DMD: variants seen among roughly 807,000 people sequenced by gnomAD.
DMD encodes the protein dystrophin, also known as mutant dystrophin.
A neutral mutation model predicts 330.1 loss-of-function variants in DMD; 63 were observed. That is an observed-to-expected ratio of 0.19 (90% CI 0.16 to 0.24). The LOEUF (loss-of-function observed/expected upper bound fraction) is 0.24, where lower values mean the gene tolerates loss of function less well. Ranked by LOEUF, DMD falls within the 10% of genes least tolerant of loss-of-function variation. DMD has a pLI of 1.00. For missense variants in DMD, 3,344 were observed against 2,684.1 expected (o/e 1.25, Z -5.43); for synonymous variants, 1,223 against 959.8 (o/e 1.27, Z -5.07).
At chrX:32,531,056 T>G (rs1156345607) in intron 17 of DMD, among the ~76,000 whole-genome samples, 1 of 111,967 alleles carries the variant, frequency 8.9e-6, no homozygotes, top group Non-Finnish European at 1.9e-5. Context: ...TTTCGTTTTC[T>G]TATCTGCATA....
intron 31 of DMD, 103 bp downstream of exon 31, chrX:32,389,968 A>C (rs1319702923): frequency 1.5e-6 from 1 of 666,692 alleles, no homozygotes; most frequent in African/African-American, 2.2e-5. Flanking sequence ...GTTTTCAAAT[A>C]ATGTCCTCAA....
At chrX:31,193,367 A>ACC (rs1302455479) in intron 67 of DMD, among the ~76,000 whole-genome samples, 1 of 112,357 alleles carries the variant, frequency 8.9e-6, no homozygotes, top group East Asian at 2.8e-4. Context: ...GCAGTTCAGT[A>ACC]AAGAGAGATA....
At chrX:31,234,828 T>C (rs2047563262) in intron 63 of DMD, among the ~76,000 whole-genome samples, 1 of 111,477 alleles carries the variant, frequency 9.0e-6, no homozygotes, top group African/African-American at 3.3e-5. Flanking sequence ...AGTATAGAAC[T>C]GGGCTCAACT....
In DMD at chrX:31,339,060, A is replaced by G. The variant is rs774735653; in HGVS notation, c.9163+9496T>C. 5.4e-5 allele frequency among the ~76,000 whole-genome samples: 6 copies of G among 110,639 alleles called. No homozygotes were observed. The South Asian group carries it at 2.3e-3, about 43-fold the overall frequency. On this transcript the variant is annotated intron_variant, in intron 61 of 78. Transcript: ENST00000357033. ...GCTACCAAAGGTAGGCTTAATAACTAGCTCACAATTCCTGTATATTTTACA... is the reference window on the plus strand; with the variant it reads ...GCTACCAAAGGTAGGCTTAATAACTGGCTCACAATTCCTGTATATTTTACA...
chrX:32,217,783 T>A (rs1295657143), intron 43 of DMD, among the ~76,000 whole-genome samples: 1 of 111,549 alleles, frequency 9.0e-6, no homozygotes, highest in Non-Finnish European at 1.9e-5. Flanking sequence ...CAAATAAAAC[T>A]TTAAAAATAT....
In DMD at chrX:32,196,842, G is replaced by T. The variant is rs182143348; in HGVS notation, c.6438+20074C>A. On this transcript the variant is annotated intron_variant, in intron 44 of 78. Transcript: ENST00000357033. The stretch of plus-strand genomic sequence containing the variant: ...CTACTAAAAATACAAAAAAATTAGC[G>T]GGGCGTGGTAGCCAGCGCCTGTAGT... Among the ~76,000 whole-genome samples the T allele has an allele frequency of 4.9e-4, 53 of 108,772 alleles. No homozygotes were observed. In the East Asian group the frequency reaches 0.015, roughly 31 times the overall value. The allele number at this position is 108,772 out of a possible 115,157, so 94.5% of individuals were successfully genotyped here.
At position 32,373,285 on chromosome X, in the gene DMD, T is replaced by A. The variant is rs142745756; in HGVS notation, c.4845+7225A>T. ...CAACGCCACTGGCCTATCAAAAGGA[T>A]CCCAGAAATGTCAAACCTCTGATAC... On this transcript the variant is annotated intron_variant, in intron 34 of 78. Coordinates refer to ENST00000357033, the MANE Select transcript of DMD (RefSeq NM_004006.3). 4.1e-3 allele frequency among the ~76,000 whole-genome samples: 446 copies of A among 109,091 alleles called. 3 individuals carry two copies. The highest frequency in any genetic ancestry group is 0.014 in the African/African-American group (425 of 30,215). The allele number at this position is 109,091 out of a possible 115,157, so 94.7% of individuals were successfully genotyped here. A position where few individuals can be genotyped will look rare whatever the true frequency, so the allele number is the denominator to read the frequency against.
Position 32,345,985 on chromosome X carries a change from C to A in DMD, c.5544G>T (p.Lys1848Asn), listed in dbSNP as rs369623931. 2.5e-6 allele frequency: 3 copies of A among 1,207,055 alleles called. No individual in the cohort carries two copies. In the African/African-American group the frequency reaches 5.3e-5, roughly 21 times the overall value. Residue 1848 changes from lysine to asparagine, a missense_variant, in exon 39 of 79, where the codon AAG becomes AAT. Lys to Asn is a moderately conservative substitution (Grantham distance 94). Coordinates refer to ENST00000357033, the MANE Select transcript of DMD (RefSeq NM_004006.3). ...TTGTCTGTAACAGCTGCTGTTTTAT[C>A]TTTATTTCCTCTCGCTTTCTCTCAT... ...ITDERKREEI[K>N]IKQQLLQTKH...
chrX:32,812,291 CA>C (rs765607433), intron 6 of DMD, among the ~76,000 whole-genome samples: 7 of 109,881 alleles, frequency 6.4e-5, no homozygotes, highest in African/African-American at 2.0e-4. Context: ...ACGAAAAAAA[CA>C]AAAAAAAAGT....
chrX:32,818,772 G>T (rs1226945959), intron 5 of DMD, among the ~76,000 whole-genome samples: 1 of 110,121 alleles, frequency 9.1e-6, no homozygotes, highest in Non-Finnish European at 1.9e-5. Flanking sequence ...TACCACCTGA[G>T]TTGCAGAGTC....
chrX:31,228,822 T>G (rs1569486464), intron 63 of DMD, among the ~76,000 whole-genome samples: 1 of 111,747 alleles, frequency 8.9e-6, no homozygotes, highest in East Asian at 2.8e-4. Flanking sequence ...GAAAGCGCAC[T>G]TCAGAAGGGT....
chrX:32,604,784 G>T (rs954558118), intron 12 of DMD, among the ~76,000 whole-genome samples: 2 of 98,161 alleles, frequency 2.0e-5, no homozygotes, highest in African/African-American at 7.6e-5. Flanking sequence ...ACCAAATCAA[G>T]AACTCAATCT....
chrX:32,644,391 G>T, intron 10 of DMD, 78 bp from the exon 11 acceptor site: 1 of 1,053,413 alleles, frequency 9.5e-7, no homozygotes, highest in Non-Finnish European at 1.3e-6. Flanking sequence ...TTTGTTTGCA[G>T]TTTTAAACTT....
intron 20 of DMD, among the ~76,000 whole-genome samples, chrX:32,489,681 C>A (rs1355479691): frequency 9.0e-6 from 1 of 111,609 alleles, no homozygotes; most frequent in Admixed American, 9.5e-5. Context: ...TTCTTAAACA[C>A]ATTAGAGACA....
At chrX:31,347,695 G>C (rs996306765) in intron 61 of DMD, among the ~76,000 whole-genome samples, 1 of 112,535 alleles carries the variant, frequency 8.9e-6, no homozygotes, top group South Asian at 3.7e-4. Context: ...AAGCATGCAA[G>C]TGCAGGTACC....
Position 31,679,506 on chromosome X carries a change from C to T in DMD, c.7741G>A (p.Asp2581Asn), listed in dbSNP as rs763179470. The T allele has an allele frequency of 5.0e-6, 6 of 1,209,717 alleles. No individual in the cohort carries two copies. The South Asian group carries it at 1.1e-4, about 21-fold the overall frequency. Residue 2581 changes from aspartate to asparagine, a missense_variant, in exon 53 of 79, where the codon GAT becomes AAT. Physicochemically the swap from Asp to Asn is conservative, Grantham distance 23. Coordinates refer to ENST00000357033, the MANE Select transcript of DMD (RefSeq NM_004006.3). ...TTAGCTTCCAGCCATTGTGTTGAAT[C>T]CTTTAACATTTCATTCAACTGTTGC... is the stretch of plus-strand genomic sequence containing the variant. ...RRQQLNEMLK[D>N]STQWLEAKEE... is the part of the protein sequence containing the mutation.
At chrX:32,689,252 C>T (rs990079728) in intron 9 of DMD, among the ~76,000 whole-genome samples, 3 of 109,904 alleles carry the variant, frequency 2.7e-5, no homozygotes, top group East Asian at 2.8e-4. Flanking sequence ...AACACAATAA[C>T]GCTCCTTTAA....
chrX:31,349,025 G>A (rs2058249046), intron 60 of DMD, among the ~76,000 whole-genome samples: 1 of 112,421 alleles, frequency 8.9e-6, no homozygotes, highest in South Asian at 3.7e-4. Flanking sequence ...GACATGTCTT[G>A]TCTTTAAGTC....
chrX:31,298,719 G>C (rs2148062642), intron 62 of DMD, among the ~76,000 whole-genome samples: 1 of 111,847 alleles, frequency 8.9e-6, no homozygotes, highest in East Asian at 2.8e-4. Context: ...AAACCCTATT[G>C]GTGAGCAGCA....
Sources: allele counts gnomAD v4.1 joint callset (sites outside exome capture counted in the v4.1 genomes callset), GRCh38; gene constraint gnomAD v4.1.1; transcripts MANE v1.5; gene names NCBI Gene and HGNC (gene_info 2026-07-23, HGNC 2026-07-21).